Variants in CTNNA2 observed in about 807,000 individuals in gnomAD.
CTNNA2 encodes the protein catenin alpha-2.
A neutral mutation model predicts 101.0 loss-of-function variants in CTNNA2; 42 were observed. The observed-to-expected ratio is 0.42, with a 90% CI of 0.32 to 0.54. The LOEUF is 0.54. CTNNA2 is among the 20% of genes least tolerant of loss of function. The pLI, the probability that CTNNA2 is intolerant of heterozygous loss-of-function variation, is 0.14. For missense variants in CTNNA2, 871 were observed against 1,223.1 expected (o/e 0.71, Z 4.29); for synonymous variants, 450 against 456.4 (o/e 0.99, Z 0.18).
intron 2 of CTNNA2, among the ~76,000 whole-genome samples, chr2:79,691,538 C>T (rs937626316): frequency 5.3e-5 from 8 of 151,508 alleles, no homozygotes; most frequent in South Asian, 4.2e-4. Context: ...AAAATTCATA[C>T]GGAACCAAAA....
chr2:80,313,721 G>A (rs1677830324), intron 7 of CTNNA2: 2 of 1,209,560 alleles, frequency 1.7e-6, no homozygotes, highest in Admixed American at 4.2e-5. Context: ...CTTTCAACTA[G>A]AAATATGATT....
chr2:80,502,632 T>C (rs1296646727), intron 9 of CTNNA2, among the ~76,000 whole-genome samples: 1 of 152,246 alleles, frequency 6.6e-6, no homozygotes, highest in Non-Finnish European at 1.5e-5. Flanking sequence ...CTAAGGTATC[T>C]GGCAGTTAGT....
At chr2:79,387,677 C>G (rs11893861) in intron 4 of CTNNA2, among the ~76,000 whole-genome samples, 12,025 of 152,142 alleles carry the variant, frequency 0.079, 1,567 homozygotes, top group African/African-American at 0.28. Context: ...ACTGCTGGTG[C>G]TAAATGTGGG....
intron 15 of CTNNA2, among the ~76,000 whole-genome samples, chr2:80,593,503 A>G (rs1314295714): frequency 6.6e-6 from 1 of 152,142 alleles, no homozygotes; most frequent in Non-Finnish European, 1.5e-5. Flanking sequence ...CTATTATGGT[A>G]TACATCATGA....
chr2:80,211,488 T>G (rs138626174), intron 7 of CTNNA2, among the ~76,000 whole-genome samples: 33,151 of 152,104 alleles, frequency 0.22, 5,393 homozygotes, highest in African/African-American at 0.45. Context: ...TTTCCCCATT[T>G]CTTGTTTTTG....
chr2:80,354,769 G>T (rs115136463), intron 7 of CTNNA2, among the ~76,000 whole-genome samples: 1,767 of 152,168 alleles, frequency 0.012, 21 homozygotes, highest in South Asian at 0.057. Context: ...CTAGATCAGT[G>T]TTTCTCAAAC....
chr2:79,502,937 G>T (rs1283901447), intron 4 of CTNNA2, among the ~76,000 whole-genome samples: 1 of 152,148 alleles, frequency 6.6e-6, no homozygotes, highest in Non-Finnish European at 1.5e-5. Context: ...ACAGAAGCAA[G>T]TATAGAGATT....
intron 7 of CTNNA2, among the ~76,000 whole-genome samples, chr2:80,117,395 T>G (rs1701584202): frequency 6.6e-6 from 1 of 151,958 alleles, no homozygotes; most frequent in African/African-American, 2.4e-5. Flanking sequence ...TGGCTTTTTT[T>G]GAGTTCTCAT....
At chr2:79,531,980 A>T (rs957266865) in intron 1 of CTNNA2, among the ~76,000 whole-genome samples, 3 of 152,094 alleles carry the variant, frequency 2.0e-5, no homozygotes, top group Non-Finnish European at 4.4e-5. Context: ...GTACCCAGAC[A>T]TTAGTAAATA....
chr2:80,103,146 C>T (rs1355827073), intron 7 of CTNNA2, among the ~76,000 whole-genome samples: 1 of 152,136 alleles, frequency 6.6e-6, no homozygotes, highest in African/African-American at 2.4e-5. Flanking sequence ...TCCACTCCAG[C>T]CACCATAACA....
intron 4 of CTNNA2, among the ~76,000 whole-genome samples, chr2:79,436,923 G>C (rs1366360045): frequency 6.6e-6 from 1 of 151,548 alleles, no homozygotes; most frequent in Non-Finnish European, 1.5e-5. Flanking sequence ...GAGCCACCAT[G>C]CCCGGCCCAA....
At position 79,502,173 on chromosome 2, in the gene CTNNA2, A is replaced by G. The variant is rs186032868; in HGVS notation, c.-134-2881A>G. On this transcript the variant is annotated intron_variant, in intron 4 of 21. Coordinates refer to the CTNNA2 transcript ENST00000466387. Reference sequence around the variant, plus strand: ...TGACTTAAATACAAAAAGTTATTGTAAGAGTATTATTAGTTTTACTCATTT... The same window carrying G: ...TGACTTAAATACAAAAAGTTATTGTGAGAGTATTATTAGTTTTACTCATTT... Among the ~76,000 whole-genome samples, 65 of 152,278 alleles carry G rather than the reference A, an allele frequency of 4.3e-4. 1 individual carries two copies. The East Asian group carries it at 6.8e-3, about 16-fold the overall frequency.
chr2:80,473,580 C>T (rs1461553798), intron 9 of CTNNA2, among the ~76,000 whole-genome samples: 1 of 152,120 alleles, frequency 6.6e-6, no homozygotes, highest in East Asian at 1.9e-4. Context: ...GTTATAAATG[C>T]TGTACTCATT....
At chr2:79,412,839 T>C (rs1345320192) in intron 4 of CTNNA2, among the ~76,000 whole-genome samples, 2 of 152,068 alleles carry the variant, frequency 1.3e-5, no homozygotes, top group African/African-American at 2.4e-5. Flanking sequence ...AGCCACCTGT[T>C]CTATTAATGA....
At chr2:80,262,516 TCTC>T (rs1672687504) in intron 7 of CTNNA2, among the ~76,000 whole-genome samples, 1 of 152,264 alleles carries the variant, frequency 6.6e-6, no homozygotes, top group East Asian at 1.9e-4. Context: ...CGCTGCTGCT[TCTC>T]CTTTCACTCC....
At chr2:79,459,133 A>G (rs1367967637) in intron 4 of CTNNA2, among the ~76,000 whole-genome samples, 1 of 152,172 alleles carries the variant, frequency 6.6e-6, no homozygotes, top group Non-Finnish European at 1.5e-5. Context: ...TCTAAGCAAC[A>G]TAGAGAAGCA....
chr2:80,233,047 T>C (rs1462377631), intron 7 of CTNNA2, among the ~76,000 whole-genome samples: 1 of 152,180 alleles, frequency 6.6e-6, no homozygotes. Flanking sequence ...CTGTCAGATA[T>C]CAGAGAAAAG....
At chr2:79,582,832 A>G (rs528268201) in intron 1 of CTNNA2, among the ~76,000 whole-genome samples, 1 of 152,168 alleles carries the variant, frequency 6.6e-6, no homozygotes, top group Non-Finnish European at 1.5e-5. Flanking sequence ...TATGCAATCA[A>G]TGTAACCACT....
At chr2:80,087,337 C>T (rs1377658225) in intron 7 of CTNNA2, among the ~76,000 whole-genome samples, 1 of 152,044 alleles carries the variant, frequency 6.6e-6, no homozygotes, top group South Asian at 2.1e-4. Context: ...ATATTATATA[C>T]TGAGAAAACA....
Sources: allele counts gnomAD v4.1 joint callset (sites outside exome capture counted in the v4.1 genomes callset), GRCh38; gene constraint gnomAD v4.1.1; transcripts MANE v1.5; gene names NCBI Gene and HGNC (gene_info 2026-07-23, HGNC 2026-07-21).